FSTL5: variants seen among roughly 807,000 people sequenced by gnomAD.
FSTL5 encodes follistatin like 5.
Under a neutral mutation model 89.1 loss-of-function variants are expected in FSTL5, and 62 were observed. The ratio of observed to expected loss-of-function variants is 0.70; its 90% CI spans 0.57 to 0.86. FSTL5 has a LOEUF of 0.86. Ranked by LOEUF, FSTL5 falls within the 40% of genes least tolerant of loss-of-function variation. The pLI is 0.00. For missense variants in FSTL5, 1,057 were observed against 1,001.6 expected, an observed-to-expected ratio of 1.06 and a Z score of -0.75; for synonymous variants, 383 against 346.2, an observed-to-expected ratio of 1.11 and a Z score of -1.18.
intron 8 of FSTL5, among the ~76,000 whole-genome samples, chr4:161,551,052 G>T (rs568893876): frequency 6.6e-6 from 1 of 152,058 alleles, no homozygotes; most frequent in African/African-American, 2.4e-5. Flanking sequence ...ATATGTGTGT[G>T]TATGTCTTTA....
At chr4:161,939,337 T>C (rs1270286106) in intron 3 of FSTL5, among the ~76,000 whole-genome samples, 2 of 152,040 alleles carry the variant, frequency 1.3e-5, no homozygotes, top group Non-Finnish European at 2.9e-5. Flanking sequence ...GCTTATATTA[T>C]GGTACTTATG....
intron 3 of FSTL5, among the ~76,000 whole-genome samples, chr4:161,965,424 G>T (rs1735294947): frequency 6.6e-6 from 1 of 152,030 alleles, no homozygotes; most frequent in Non-Finnish European, 1.5e-5. Context: ...CTAGAGAAAG[G>T]GTGACAATTG....
At chr4:162,021,090 A>G (rs966163127) in intron 3 of FSTL5, among the ~76,000 whole-genome samples, 2 of 152,102 alleles carry the variant, frequency 1.3e-5, no homozygotes. Context: ...TGATAAATAC[A>G]TTTTTCAATT....
intron 8 of FSTL5, among the ~76,000 whole-genome samples, chr4:161,556,848 A>G (rs28611406): frequency 0.068 from 9,499 of 138,794 alleles, 836 homozygotes; most frequent in African/African-American, 0.25. Flanking sequence ...GTGTGTGTGT[A>G]TATATATATA....
intron 3 of FSTL5, among the ~76,000 whole-genome samples, chr4:161,958,490 G>A (rs1405981039): frequency 6.6e-6 from 1 of 152,038 alleles, no homozygotes; most frequent in Admixed American, 6.6e-5. Flanking sequence ...AAATTAAGTT[G>A]CATAGACACA....
chr4:161,952,009 T>A (rs942564866), intron 3 of FSTL5, among the ~76,000 whole-genome samples: 2 of 152,074 alleles, frequency 1.3e-5, no homozygotes, highest in South Asian at 4.1e-4. Context: ...ATTGTGTCTT[T>A]ACTCAGTGAT....
intron 5 of FSTL5, among the ~76,000 whole-genome samples, chr4:161,774,444 A>G (rs2126802809): frequency 6.6e-6 from 1 of 152,250 alleles, no homozygotes; most frequent in South Asian, 2.1e-4. Context: ...GCCCTAGGAA[A>G]CTAATACAAA....
intron 2 of FSTL5, among the ~76,000 whole-genome samples, chr4:162,067,310 C>T (rs530626302): frequency 2.6e-4 from 39 of 152,196 alleles, no homozygotes; most frequent in African/African-American, 7.5e-4. Flanking sequence ...GCCTTGGCCT[C>T]CCAAAGTGCT....
At chr4:161,864,020 A>G (rs1188198841) in intron 4 of FSTL5, among the ~76,000 whole-genome samples, 2 of 152,198 alleles carry the variant, frequency 1.3e-5, no homozygotes, top group African/African-American at 4.8e-5. Context: ...TGGAACCCCC[A>G]TAAAGCTCCA....
chr4:161,763,338 A>T (rs1433084440), intron 5 of FSTL5, among the ~76,000 whole-genome samples: 2 of 152,328 alleles, frequency 1.3e-5, no homozygotes, highest in East Asian at 1.9e-4. Context: ...AATAAAAATG[A>T]GAAGAAAAAT....
At chr4:162,002,514 G>T (rs569104710) in intron 3 of FSTL5, among the ~76,000 whole-genome samples, 65 of 152,170 alleles carry the variant, frequency 4.3e-4, no homozygotes, top group African/African-American at 1.5e-3. Context: ...ATATCTTGTT[G>T]GCAGTCCTAT....
At chr4:161,406,167 T>C (rs1245925757) in intron 15 of FSTL5, among the ~76,000 whole-genome samples, 2 of 152,162 alleles carry the variant, frequency 1.3e-5, no homozygotes, top group Non-Finnish European at 2.9e-5. Context: ...TGTAATTACA[T>C]GGGTAAAAAA....
chr4:161,806,019 G>A (rs563455774), intron 4 of FSTL5, among the ~76,000 whole-genome samples: 2 of 152,022 alleles, frequency 1.3e-5, no homozygotes, highest in South Asian at 2.1e-4. Flanking sequence ...ATTAAACTTT[G>A]TCATAGGTAT....
chr4:161,929,610 A>G (rs1734224615), intron 3 of FSTL5, among the ~76,000 whole-genome samples: 1 of 151,566 alleles, frequency 6.6e-6, no homozygotes, highest in East Asian at 1.9e-4. Context: ...TACTGGAACA[A>G]TACACTCAAT....
chr4:161,819,519 T>C (rs2126848376), intron 4 of FSTL5, among the ~76,000 whole-genome samples: 1 of 152,214 alleles, frequency 6.6e-6, no homozygotes, highest in Non-Finnish European at 1.5e-5. Context: ...TTTAAAACAT[T>C]ACCAAAATGC....
At chr4:161,673,941 C>T (rs965283676) in intron 6 of FSTL5, among the ~76,000 whole-genome samples, 1 of 151,804 alleles carries the variant, frequency 6.6e-6, no homozygotes, top group African/African-American at 2.4e-5. Flanking sequence ...TGTAATCTGT[C>T]TCATTTAAAA....
intron 7 of FSTL5, among the ~76,000 whole-genome samples, chr4:161,653,787 A>T (rs1410784145): frequency 6.6e-6 from 1 of 152,148 alleles, no homozygotes; most frequent in Non-Finnish European, 1.5e-5. Flanking sequence ...TGTTGAAACT[A>T]TAGTACTTAA....
chr4:161,619,269 C>G (rs971551534), intron 7 of FSTL5, among the ~76,000 whole-genome samples: 35 of 152,238 alleles, frequency 2.3e-4, no homozygotes, highest in African/African-American at 7.5e-4. Flanking sequence ...CCATTCAGGA[C>G]ATAGGCATGG....
At chr4:161,650,465 CTG>C (rs1156570666) in intron 7 of FSTL5, among the ~76,000 whole-genome samples, 2 of 152,042 alleles carry the variant, frequency 1.3e-5, no homozygotes, top group Non-Finnish European at 2.9e-5. Flanking sequence ...CCTGGGAGTT[CTG>C]TGTTTTGTCT....
Sources: allele counts gnomAD v4.1 joint callset (sites outside exome capture counted in the v4.1 genomes callset), GRCh38; gene constraint gnomAD v4.1.1; transcripts MANE v1.5; gene names NCBI Gene and HGNC (gene_info 2026-07-23, HGNC 2026-07-21).